HEBP1: variants seen among roughly 807,000 people sequenced by gnomAD.
HEBP1 encodes the protein heme-binding protein 1.
HEBP1 carries 13 observed loss-of-function variants against 20.4 expected under a neutral mutation model. That is an observed-to-expected ratio of 0.64 (90% CI 0.42 to 1.01). The LOEUF (loss-of-function observed/expected upper bound fraction) is 1.01, where lower values mean the gene tolerates loss of function less well. Ranked by LOEUF, HEBP1 falls within the 50% of genes least tolerant of loss-of-function variation. The probability of loss-of-function intolerance (pLI) is 0.00; values close to 1 mark genes in which losing one functional copy is unlikely to be tolerated. For missense variants in HEBP1, 241 were observed against 247.3 expected, an observed-to-expected ratio of 0.97 and a Z score of 0.17; for synonymous variants, 92 against 90.7, an observed-to-expected ratio of 1.01 and a Z score of -0.08.
intron 3 of HEBP1, among the ~76,000 whole-genome samples, chr12:12,982,456 ATCT>A (rs1332452066): frequency 6.6e-6 from 1 of 152,156 alleles, no homozygotes; most frequent in East Asian, 1.9e-4. Flanking sequence ...TGGTCTGTAA[ATCT>A]CCTAAGTGGT....
At position 12,975,345 on chromosome 12, in the gene HEBP1, T is replaced by C; in HGVS notation, c.533A>G (p.Tyr178Cys). The C allele has an allele frequency of 1.2e-6, 2 of 1,614,038 alleles. No homozygotes were observed. The highest frequency in any genetic ancestry group is 1.7e-6 in the Non-Finnish European group (2 of 1,179,968). The stretch of plus-strand genomic sequence containing the variant: ...CAGCCAGATCTCATTGCGCCGTCCG[T>C]AGGGCTTCATGGGAGGGTCATAACC... ...CTGYDPPMKP[Y>C]GRRNEIWLLK... The change falls in exon 4 of 4, where the codon TAC (tyrosine) becomes TGC (cysteine). Residue 178 changes from tyrosine to cysteine, a missense_variant. Tyr to Cys is a radical substitution (Grantham distance 194). Transcript: ENST00000014930.
At chr12:12,975,634 T>C (rs1863970798) in intron 3 of HEBP1, among the ~76,000 whole-genome samples, 155 bp from the exon 4 acceptor site, 1 of 152,198 alleles carries the variant, frequency 6.6e-6, no homozygotes, top group African/African-American at 2.4e-5. Context: ...TGGGTTGATT[T>C]TACCTCTCTG....
At chr12:12,985,898 A>G (rs1020236783) in intron 3 of HEBP1, 1 of 152,192 alleles carries the variant, frequency 6.6e-6, no homozygotes, top group African/African-American at 2.4e-5. Flanking sequence ...TCATTTTATT[A>G]TACCTGCTGC....
chr12:12,975,715 A>T (rs1035117509), intron 3 of HEBP1, among the ~76,000 whole-genome samples: 3 of 150,236 alleles, frequency 2.0e-5, no homozygotes, highest in African/African-American at 4.8e-5. Flanking sequence ...TGTTAAAAGC[A>T]GTAATGGACG....
At chr12:12,975,696 A>T (rs530876373) in intron 3 of HEBP1, among the ~76,000 whole-genome samples, 4 of 152,010 alleles carry the variant, frequency 2.6e-5, no homozygotes, top group African/African-American at 9.6e-5. Context: ...TTTCCTCTAG[A>T]GTTTTGAGTG....
chr12:12,997,523 A>G (rs1389337342), intron 1 of HEBP1, among the ~76,000 whole-genome samples: 4 of 152,164 alleles, frequency 2.6e-5, no homozygotes, highest in Non-Finnish European at 5.9e-5. Context: ...AGAAGCTCCT[A>G]GTAGTATGGA....
At chr12:12,999,501 A>G (rs1220594447) in intron 1 of HEBP1, among the ~76,000 whole-genome samples, 1 of 152,250 alleles carries the variant, frequency 6.6e-6, no homozygotes, top group East Asian at 1.9e-4. Context: ...CGGTCCCAGG[A>G]ATCAAGATTT....
chr12:12,985,851 G>A (rs1864145588), intron 3 of HEBP1: 1 of 152,118 alleles, frequency 6.6e-6, no homozygotes, highest in Non-Finnish European at 1.5e-5. Flanking sequence ...CATTCTGCTA[G>A]TAAGCAGTAG....
chr12:12,975,409 C>T lies in HEBP1; in HGVS notation c.469G>A (p.Gly157Ser). ...QATRLRAALE[G>S]TATYRGDIYF... Reference sequence around the variant, plus strand: ...ATGTCCCCCCGGTAGGTGGCTGTGCCCTCCAGGGCAGCACGCAGACGGGTG... The same window carrying T: ...ATGTCCCCCCGGTAGGTGGCTGTGCTCTCCAGGGCAGCACGCAGACGGGTG... Residue 157 changes from glycine (G) to serine (S), a missense_variant, in exon 4 of 4, where the codon GGC (glycine) becomes AGC (serine). Coordinates refer to ENST00000014930, the MANE Select transcript of HEBP1 (RefSeq NM_015987.5). 2 of 1,613,240 alleles carry T rather than the reference C, an allele frequency of 1.2e-6. No homozygotes were observed. Among genetic ancestry groups the T allele is most frequent in the Non-Finnish European group, 1.7e-6 (2 of 1,179,690 alleles).
Position 12,996,101 on chromosome 12 carries a change from A to G in HEBP1, c.78+3936T>C, listed in dbSNP as rs146843438. Among the ~76,000 whole-genome samples, 144 of 152,286 alleles carry G rather than the reference A, an allele frequency of 9.5e-4. 1 individual carries two copies. The highest frequency in any genetic ancestry group is 3.0e-3 in the African/African-American group (126 of 41,562). Reference sequence around the variant, plus strand: ...CAATTAACCTAACAGAGTACTTTCTATTTGTCTGGTGTTATTTTAAATGCT... The same window carrying G: ...CAATTAACCTAACAGAGTACTTTCTGTTTGTCTGGTGTTATTTTAAATGCT... On this transcript the variant is annotated intron_variant, in intron 1 of 3. Transcript: ENST00000014930. The surrounding 1 kb of genome is among the most constrained non-coding windows in gnomAD (Gnocchi z 4.1).
At position 12,989,311 on chromosome 12, in the gene HEBP1, C is replaced by G. The variant is rs752801907; in HGVS notation, c.183G>C (p.Lys61Asn). 9.0e-5 allele frequency: 145 copies of G among 1,614,104 alleles called. No homozygotes were observed. Among genetic ancestry groups the G allele is most frequent in the Non-Finnish European group, 1.2e-4 (142 of 1,180,046 alleles). ...TGGTGCCCCCCGCATACTTTGCGACCTTGGGCATTGCTTCCCGTAGAGCCT... is the reference window on the plus strand; with the variant it reads ...TGGTGCCCCCCGCATACTTTGCGACGTTGGGCATTGCTTCCCGTAGAGCCT... ...VDEALREAMP[K>N]VAKYAGGTND... Residue 61 changes from lysine (K) to asparagine (N), a missense_variant, in exon 2 of 4, where the codon AAG (lysine) becomes AAC (asparagine). Coordinates refer to ENST00000014930, the MANE Select transcript of HEBP1 (RefSeq NM_015987.5).
chr12:12,984,903 G>T (rs1323488827), intron 3 of HEBP1, among the ~76,000 whole-genome samples: 1 of 152,180 alleles, frequency 6.6e-6, no homozygotes, highest in Admixed American at 6.5e-5. Flanking sequence ...TGTAATCCCA[G>T]CACTTTGGGA....
In HEBP1 at chr12:12,989,302, C is replaced by A. The variant is rs969476157; in HGVS notation, c.192G>T (p.Lys64Asn). The A allele has an allele frequency of 6.2e-7, 1 of 1,614,212 alleles. No homozygotes were observed. Among genetic ancestry groups the A allele is most frequent in the South Asian group, 1.1e-5 (1 of 91,084 alleles). The change falls in exon 2 of 4, where the codon AAG becomes AAT. Residue 64 changes from lysine (K) to asparagine (N), a missense_variant. Transcript: ENST00000014930. Reference sequence around the variant, plus strand: ...CCTTGTCATTGGTGCCCCCCGCATACTTTGCGACCTTGGGCATTGCTTCCC... The same window carrying A: ...CCTTGTCATTGGTGCCCCCCGCATAATTTGCGACCTTGGGCATTGCTTCCC... ...ALREAMPKVAKYAGGTNDKGI... is the reference protein window; with the variant it reads ...ALREAMPKVANYAGGTNDKGI...
At chr12:12,991,406 C>T (rs576241613) in intron 1 of HEBP1, among the ~76,000 whole-genome samples, 6 of 152,276 alleles carry the variant, frequency 3.9e-5, no homozygotes, top group Admixed American at 3.9e-4. Flanking sequence ...ATCACAGCCT[C>T]CCAATCTGCT....
rs535661226 is a variant in HEBP1, at chr12:12,975,303, G to T, written c.*5C>A. The T allele has an allele frequency of 9.5e-5, 154 of 1,612,934 alleles. 1 individual carries two copies. The highest frequency in any genetic ancestry group is 8.6e-4 in the Middle Eastern group (5 of 5,782). The stretch of plus-strand genomic sequence containing the variant: ...TTCCAGTAAGTTCTTGGTTCAGTGG[G>T]TCACTCATGTCTTCAACAGCCAGAT... On this transcript the variant is annotated 3_prime_UTR_variant, in exon 4 of 4. Transcript: ENST00000014930.
At chr12:12,983,755 T>G in intron 3 of HEBP1, 1 of 456,040 alleles carries the variant, frequency 2.2e-6, no homozygotes, top group South Asian at 1.5e-5. Context: ...TTTCAGAGAA[T>G]TAAAAGGAAA....
chr12:12,980,562 A>G (rs1864066556), intron 3 of HEBP1: 1 of 152,296 alleles, frequency 6.6e-6, no homozygotes, highest in Non-Finnish European at 1.5e-5. Context: ...GATGCTGGCA[A>G]TGAATAGTAT....
At chr12:12,993,699 A>G (rs2136550311) in intron 1 of HEBP1, among the ~76,000 whole-genome samples, 1 of 152,322 alleles carries the variant, frequency 6.6e-6, no homozygotes, top group South Asian at 2.1e-4. Flanking sequence ...CACTGGAGAA[A>G]GAGCTAACTG....
chr12:12,988,360 C>T (rs536055461), intron 2 of HEBP1, among the ~76,000 whole-genome samples: 1 of 152,250 alleles, frequency 6.6e-6, no homozygotes, highest in Admixed American at 6.5e-5. Flanking sequence ...AAGATTTCTT[C>T]CTGACCTCCT....
Sources: allele counts gnomAD v4.1 joint callset (sites outside exome capture counted in the v4.1 genomes callset), GRCh38; gene constraint gnomAD v4.1.1; non-coding constraint Gnocchi (gnomAD v3.1); transcripts MANE v1.5; gene names NCBI Gene and HGNC (gene_info 2026-07-23, HGNC 2026-07-21).